Variants in FILIP1L observed in about 807,000 individuals in gnomAD.
The protein encoded by FILIP1L is filamin A interacting protein 1 like.
Under a neutral mutation model 96.6 loss-of-function variants are expected in FILIP1L, and 55 were observed. That is an observed-to-expected ratio of 0.57 (90% CI 0.46 to 0.71). The LOEUF is 0.71. FILIP1L is among the 30% of genes least tolerant of loss of function. The probability of loss-of-function intolerance (pLI) is 0.00; values close to 1 mark genes in which losing one functional copy is unlikely to be tolerated. For synonymous variants in FILIP1L, 467 were observed against 473.9 expected, an observed-to-expected ratio of 0.99 and a Z score of 0.19; for missense variants, 1,304 against 1,321.2, an observed-to-expected ratio of 0.99 and a Z score of 0.20.
chr3:100,099,834 A>G (rs746262377), intron 1 of FILIP1L, among the ~76,000 whole-genome samples: 7 of 152,238 alleles, frequency 4.6e-5, no homozygotes, highest in Non-Finnish European at 1.0e-4. Flanking sequence ...GTAAAGTATC[A>G]TAAGTATGCA....
At chr3:99,991,993 C>T (rs773549244) in intron 1 of FILIP1L, among the ~76,000 whole-genome samples, 3 of 142,850 alleles carry the variant, frequency 2.1e-5, no homozygotes, top group Admixed American at 7.0e-5. Flanking sequence ...TGTATATATA[C>T]GTATATATAT....
chr3:100,076,076 G>T (rs1389385220), intron 1 of FILIP1L, among the ~76,000 whole-genome samples: 2 of 152,152 alleles, frequency 1.3e-5, no homozygotes, highest in Non-Finnish European at 2.9e-5. Flanking sequence ...GGGCAGGGCT[G>T]ATGCTTCCTG....
At chr3:99,920,875 G>A (rs1295602298) in intron 4 of FILIP1L, among the ~76,000 whole-genome samples, 2 of 152,154 alleles carry the variant, frequency 1.3e-5, no homozygotes, top group Non-Finnish European at 1.5e-5. Context: ...CAATCACGTA[G>A]TTCTTAATTT....
intron 1 of FILIP1L, among the ~76,000 whole-genome samples, chr3:100,032,744 G>A (rs1180117505): frequency 6.6e-6 from 1 of 152,050 alleles, no homozygotes; most frequent in Non-Finnish European, 1.5e-5. Flanking sequence ...TTGCTTTGTA[G>A]GTAACTCACT....
chr3:100,050,493 G>A lies in FILIP1L; in HGVS notation c.-11+63560C>T, dbSNP rs145368284. ...ATCATAGTCATTTTCTGTTTTTTTAGAGGCATCTCTGTAAATTCCCACAAT... is the reference window on the plus strand; with the variant it reads ...ATCATAGTCATTTTCTGTTTTTTTAAAGGCATCTCTGTAAATTCCCACAAT... On this transcript the variant is annotated intron_variant, in intron 1 of 5. Coordinates refer to ENST00000477258, the MANE Select transcript of FILIP1L (RefSeq NM_001387850.1). Among the ~76,000 whole-genome samples the A allele has an allele frequency of 7.2e-3, 1,100 of 152,066 alleles. 4 individuals carry two copies. Among genetic ancestry groups the A allele is most frequent in the African/African-American group, 0.01 (419 of 41,484 alleles).
intron 1 of FILIP1L, among the ~76,000 whole-genome samples, chr3:99,933,803 T>C (rs1043509426): frequency 2.0e-5 from 3 of 152,230 alleles, no homozygotes; most frequent in African/African-American, 7.2e-5. Context: ...GACCTGGTGC[T>C]CCATACATAA....
At chr3:99,933,945 G>A (rs536910058) in intron 1 of FILIP1L, among the ~76,000 whole-genome samples, 8 of 152,292 alleles carry the variant, frequency 5.3e-5, no homozygotes, top group African/African-American at 1.4e-4. Context: ...AATTCTGTGG[G>A]TTACTCCACA....
At chr3:99,921,771 A>G (rs1422154114) in intron 4 of FILIP1L, among the ~76,000 whole-genome samples, 4 of 152,238 alleles carry the variant, frequency 2.6e-5, no homozygotes, top group African/African-American at 9.6e-5. Flanking sequence ...AATTCATTTT[A>G]TATATTTCAA....
At chr3:99,966,546 C>T (rs377730434) in intron 1 of FILIP1L, among the ~76,000 whole-genome samples, 2 of 152,306 alleles carry the variant, frequency 1.3e-5, no homozygotes, top group East Asian at 3.9e-4. Context: ...TCATCACTAA[C>T]AATTAACTTT....
At chr3:100,069,775 A>G (rs763851170) in intron 1 of FILIP1L, among the ~76,000 whole-genome samples, 1 of 152,146 alleles carries the variant, frequency 6.6e-6, no homozygotes, top group Non-Finnish European at 1.5e-5. Flanking sequence ...TGGTAAGAGG[A>G]GGTGGCAGAA....
At chr3:99,987,676 C>T (rs753449577) in intron 1 of FILIP1L, among the ~76,000 whole-genome samples, 3 of 152,056 alleles carry the variant, frequency 2.0e-5, no homozygotes, top group Non-Finnish European at 4.4e-5. Flanking sequence ...ATTAACATGA[C>T]CCAAAGTCAG....
At chr3:100,011,324 A>G (rs892493735) in intron 1 of FILIP1L, among the ~76,000 whole-genome samples, 5 of 151,992 alleles carry the variant, frequency 3.3e-5, no homozygotes, top group African/African-American at 9.7e-5. Flanking sequence ...AGCAACCAAA[A>G]CCTAAAAACC....
At chr3:100,036,733 A>T (rs1247402207) in intron 1 of FILIP1L, among the ~76,000 whole-genome samples, 1 of 152,220 alleles carries the variant, frequency 6.6e-6, no homozygotes, top group East Asian at 1.9e-4. Flanking sequence ...TCCACAAATT[A>T]CTTATTAATA....
rs147510858 is a variant in FILIP1L, at chr3:99,944,851, G to A, written c.-10-13821C>T. ...CACCAAAGACCTGCATCACAAAGTG[G>A]TGAGAAGAGAAAAAAACATAGATCA... On this transcript the variant is annotated intron_variant, in intron 1 of 5. Coordinates refer to ENST00000477258, the MANE Select transcript of FILIP1L (RefSeq NM_001387850.1). 4.5e-3 allele frequency among the ~76,000 whole-genome samples: 686 copies of A among 152,276 alleles called. 7 individuals carry two copies. Among genetic ancestry groups the A allele is most frequent in the African/African-American group, 0.016 (670 of 41,552 alleles).
intron 1 of FILIP1L, among the ~76,000 whole-genome samples, chr3:100,014,474 T>A (rs1190465928): frequency 2.0e-5 from 3 of 152,044 alleles, no homozygotes; most frequent in African/African-American, 4.8e-5. Context: ...TGTATAAGAG[T>A]TCCCTTTCTC....
chr3:99,870,079 T>C (rs1944715128), intron 4 of FILIP1L, among the ~76,000 whole-genome samples: 1 of 152,230 alleles, frequency 6.6e-6, no homozygotes, highest in Admixed American at 6.5e-5. Flanking sequence ...ATTTTTATAT[T>C]GTCTCTTCTC....
chr3:99,875,981 G>C (rs964644350), intron 4 of FILIP1L: 20 of 861,830 alleles, frequency 2.3e-5, no homozygotes, highest in Middle Eastern at 5.8e-4. Flanking sequence ...TTGTGATGCT[G>C]AGACAGCTTT....
intron 1 of FILIP1L, among the ~76,000 whole-genome samples, chr3:100,018,094 C>G (rs570977123): frequency 6.6e-6 from 1 of 152,054 alleles, no homozygotes; most frequent in Non-Finnish European, 1.5e-5. Context: ...TTTGGGAGGC[C>G]GAGGCGGGCA....
rs1427340832 is a variant in FILIP1L, at chr3:99,885,034, G to A, written c.606-33964C>T. Among the ~76,000 whole-genome samples the A allele has an allele frequency of 5.3e-5, 8 of 152,180 alleles. No homozygotes were observed. In the East Asian group the frequency reaches 1.5e-3, roughly 29 times the overall value. ...CTGTTCTGACAGCCTGTGGACTTGA[G>A]GGAAAAAACTGCAGGAGCAGAGTTT... On this transcript the variant is annotated intron_variant, in intron 4 of 5. Coordinates refer to ENST00000477258, the MANE Select transcript of FILIP1L (RefSeq NM_001387850.1).
Sources: allele counts gnomAD v4.1 joint callset (sites outside exome capture counted in the v4.1 genomes callset), GRCh38; gene constraint gnomAD v4.1.1; transcripts MANE v1.5; gene names NCBI Gene and HGNC (gene_info 2026-07-23, HGNC 2026-07-21).